XPR1: variants seen among roughly 807,000 people sequenced by gnomAD.
XPR1 encodes the protein xenotropic and polytropic retrovirus receptor 1.
XPR1 carries 28 observed loss-of-function variants against 87.5 expected under a neutral mutation model. The ratio of observed to expected loss-of-function variants is 0.32; its 90% CI spans 0.24 to 0.44. XPR1 has a LOEUF of 0.44. XPR1 is among the 20% of genes least tolerant of loss of function. XPR1 has a pLI of 1.00. For missense variants in XPR1, 559 were observed against 862.3 expected (o/e 0.65, Z 4.41); for synonymous variants, 300 against 306.1 (o/e 0.98, Z 0.21).
intron 1 of XPR1, among the ~76,000 whole-genome samples, chr1:180,674,878 G>A (rs1656314050): frequency 1.3e-5 from 2 of 152,118 alleles, no homozygotes; most frequent in Non-Finnish European, 2.9e-5. Flanking sequence ...CATGTATATT[G>A]GCAGTCAGCA....
intron 12 of XPR1, among the ~76,000 whole-genome samples, chr1:180,865,819 AT>A (rs1317323794): frequency 6.6e-6 from 1 of 152,128 alleles, no homozygotes; most frequent in East Asian, 1.9e-4. Flanking sequence ...GCTGTTACAT[AT>A]TTTCATGACT....
intron 2 of XPR1, among the ~76,000 whole-genome samples, chr1:180,782,716 G>T (rs187540916): frequency 6.6e-6 from 1 of 151,992 alleles, no homozygotes; most frequent in East Asian, 1.9e-4. Context: ...TGGGGTTAGG[G>T]CTCCCACATA....
intron 2 of XPR1, among the ~76,000 whole-genome samples, chr1:180,696,165 G>GGGGT (rs1199216725): frequency 1.1e-4 from 11 of 102,976 alleles, no homozygotes; most frequent in African/African-American, 2.8e-4. Context: ...TTTATTCCTG[G>GGGGT]GTGTGTGTGT....
intron 11 of XPR1, among the ~76,000 whole-genome samples, chr1:180,841,805 C>T (rs993639858): frequency 6.6e-6 from 1 of 151,884 alleles, no homozygotes; most frequent in African/African-American, 2.4e-5. Context: ...TAAAAAAAAA[C>T]TCATAGTTGC....
intron 2 of XPR1, among the ~76,000 whole-genome samples, chr1:180,688,769 C>G (rs930153281): frequency 1.1e-4 from 16 of 151,976 alleles, no homozygotes; most frequent in African/African-American, 3.9e-4. Flanking sequence ...TATCTTTTAC[C>G]TTTTCTCATG....
rs145312773 is a variant in XPR1, at chr1:180,813,034, CTT to C, written c.763+1551_763+1552del. Among the ~76,000 whole-genome samples, 1,002 of 131,546 alleles carry C rather than the reference CTT, an allele frequency of 7.6e-3. 8 individuals are homozygous for C. Among genetic ancestry groups the C allele is most frequent in the African/African-American group, 0.023 (851 of 36,606 alleles). The allele number at this position is 131,546 out of a possible 152,430, so 86.3% of individuals were successfully genotyped here. ...CTTGCCTCCTTATAGCTACTAGTGTCTTTTTTCCCCCCCCCCAATGGAAGTTA... is the reference window on the plus strand; with the variant it reads ...CTTGCCTCCTTATAGCTACTAGTGTCTTTTCCCCCCCCCCAATGGAAGTTA... On this transcript the variant is annotated intron_variant, in intron 7 of 14. Transcript: ENST00000367590.
intron 11 of XPR1, among the ~76,000 whole-genome samples, chr1:180,856,279 TTCTCA>T (rs1652028535): frequency 6.6e-6 from 1 of 152,080 alleles, no homozygotes; most frequent in Admixed American, 6.6e-5. Flanking sequence ...TTTCAGAGAG[TTCTCA>T]TCTCTTTGAG....
intron 2 of XPR1, among the ~76,000 whole-genome samples, chr1:180,710,200 T>C (rs567207946): frequency 4.7e-5 from 7 of 149,888 alleles, no homozygotes; most frequent in African/African-American, 1.8e-4. Context: ...CCTGTTTAAT[T>C]TAGTTTTTTT....
At chr1:180,877,898 C>T (rs1056339772) in intron 13 of XPR1, 10 of 151,550 alleles carry the variant, frequency 6.6e-5, no homozygotes, top group African/African-American at 1.5e-4. Flanking sequence ...ACAAATAAGA[C>T]GATATAAAGA....
chr1:180,873,362 C>T (rs1652565233), intron 12 of XPR1, among the ~76,000 whole-genome samples: 1 of 152,130 alleles, frequency 6.6e-6, no homozygotes, highest in Admixed American at 6.5e-5. Context: ...TCTTCAAATA[C>T]AGGGTAAGGC....
intron 1 of XPR1, among the ~76,000 whole-genome samples, chr1:180,652,063 G>A (rs552297664): frequency 1.8e-4 from 27 of 152,140 alleles, no homozygotes; most frequent in Admixed American, 3.3e-4. Flanking sequence ...AGGCCAAGGC[G>A]CGCGGATCAC....
At chr1:180,695,408 T>TTGTGTGTGTGTGTGTG (rs1205037869) in intron 2 of XPR1, among the ~76,000 whole-genome samples, 81 of 148,542 alleles carry the variant, frequency 5.5e-4, no homozygotes, top group African/African-American at 1.2e-3. Context: ...GTAGTCCCAT[T>TTGTGTGTGTGTGTGTG]TGTGTGTGTG....
At chr1:180,735,149 G>C (rs985348171) in intron 2 of XPR1, among the ~76,000 whole-genome samples, 2 of 152,192 alleles carry the variant, frequency 1.3e-5, no homozygotes, top group African/African-American at 4.8e-5. Context: ...TTGTCAGACA[G>C]AATGTGTCTG....
intron 1 of XPR1, among the ~76,000 whole-genome samples, chr1:180,659,575 C>T (rs1655692394): frequency 7.0e-6 from 1 of 143,588 alleles, no homozygotes; most frequent in Non-Finnish European, 1.5e-5. Flanking sequence ...CCCACCACAC[C>T]CCCCAGCCAC....
chr1:180,824,803 T>C lies in XPR1; in HGVS notation c.814T>C (p.Tyr272His), dbSNP rs2102151889. The C allele has an allele frequency of 1.2e-6, 2 of 1,614,100 alleles. No individual in the cohort carries two copies. The highest frequency in any genetic ancestry group is 2.2e-5 in the East Asian group (1 of 44,864). ...DRSIWPLIRI[Y>H]RGGFLLIEFL... The stretch of plus-strand genomic sequence containing the variant: ...AAGTATATGGCCCTTGATAAGAATC[T>C]ATCGGGGTGGCTTTCTTCTGATTGA... The change falls in exon 8 of 15, where the codon TAT becomes CAT. Residue 272 changes from tyrosine to histidine, a missense_variant. Tyr to His is a moderately conservative substitution (Grantham distance 83). Transcript: ENST00000367590.
chr1:180,658,816 G>T lies in XPR1; in HGVS notation c.70-23544G>T, dbSNP rs188711475. Among the ~76,000 whole-genome samples the T allele has an allele frequency of 1.6e-3, 237 of 150,738 alleles. 2 individuals carry two copies. Among genetic ancestry groups the T allele is most frequent in the African/African-American group, 5.7e-3 (234 of 41,032 alleles). ...AATCTCCTGACCTCGTGATCCACCC[G>T]CCTCGGCCTCCCAAAGTGCTGGGAT... On this transcript the variant is annotated intron_variant, in intron 1 of 14. Transcript: ENST00000367590.
chr1:180,736,872 C>G (rs761417349), intron 2 of XPR1, among the ~76,000 whole-genome samples: 1 of 151,524 alleles, frequency 6.6e-6, no homozygotes, highest in African/African-American at 2.4e-5. Context: ...GCTGACAGGC[C>G]GAAAAAAGAG....
chr1:180,819,020 G>A (rs1242882976), intron 7 of XPR1, among the ~76,000 whole-genome samples: 1 of 152,080 alleles, frequency 6.6e-6, no homozygotes, highest in Non-Finnish European at 1.5e-5. Flanking sequence ...CCCCATCCTA[G>A]CTCACTACAG....
At chr1:180,749,312 G>A (rs1647421809) in intron 2 of XPR1, among the ~76,000 whole-genome samples, 1 of 152,146 alleles carries the variant, frequency 6.6e-6, no homozygotes, top group African/African-American at 2.4e-5. Context: ...AAACATTGAG[G>A]ACATGTTCTA....
Sources: allele counts gnomAD v4.1 joint callset (sites outside exome capture counted in the v4.1 genomes callset), GRCh38; gene constraint gnomAD v4.1.1; transcripts MANE v1.5; gene names NCBI Gene and HGNC (gene_info 2026-07-23, HGNC 2026-07-21).